Variants in ITGA8 observed in about 807,000 individuals in gnomAD.
The protein encoded by ITGA8 is integrin subunit alpha 8, also known as integrin alpha-8.
ITGA8 carries 91 observed loss-of-function variants against 142.3 expected under a neutral mutation model. That is an observed-to-expected ratio of 0.64 (90% CI 0.54 to 0.76). ITGA8 has a LOEUF of 0.76. Ranked by LOEUF, ITGA8 falls within the 30% of genes least tolerant of loss-of-function variation. The pLI is 0.00. For synonymous variants in ITGA8, 505 were observed against 485.2 expected (o/e 1.04, Z -0.54); for missense variants, 1,406 against 1,327.7 (o/e 1.06, Z -0.92).
At chr10:15,671,879 C>CAACAAAAA (rs1474052235) in intron 7 of ITGA8, among the ~76,000 whole-genome samples, 6 of 79,730 alleles carry the variant, frequency 7.5e-5, no homozygotes, top group Non-Finnish European at 1.4e-4. Context: ...AGGAGCAAAG[C>CAACAAAAA]AAAAAAAAAA....
At chr10:15,644,564 A>G (rs1190916214) in intron 12 of ITGA8, among the ~76,000 whole-genome samples, 9 of 143,276 alleles carry the variant, frequency 6.3e-5, no homozygotes, top group African/African-American at 2.3e-4. Context: ...CCTGGCCTCA[A>G]GTGATCACCC....
chr10:15,557,942 C>T (rs1833912922), intron 26 of ITGA8, 132 bp downstream of exon 26: 1 of 1,131,922 alleles, frequency 8.8e-7, no homozygotes, highest in Non-Finnish European at 1.3e-6. Flanking sequence ...GAGATAAACA[C>T]TGCCAAACGT....
chr10:15,592,355 A>G (rs1236448643), intron 21 of ITGA8, 51 bp from the exon 22 acceptor site: 5 of 1,362,816 alleles, frequency 3.7e-6, no homozygotes, highest in African/African-American at 2.9e-5. Context: ...CAACATAAAA[A>G]TATTTTGTAA....
rs114946017 is a variant in ITGA8 at position 15,562,986 on chromosome 10, C to T, written c.2638-4784G>A. Among the ~76,000 whole-genome samples the T allele has an allele frequency of 5.8e-3, 878 of 152,268 alleles. 7 individuals carry two copies. Among genetic ancestry groups the T allele is most frequent in the African/African-American group, 0.02 (849 of 41,556 alleles). On this transcript the variant is annotated intron_variant, in intron 25 of 29. Coordinates refer to ENST00000378076, the MANE Select transcript of ITGA8 (RefSeq NM_003638.3). ...TGAATGGCTTGGGCCATCCCATTGG[C>T]GCTAAGTGAGCTTCCACTCTGAGTT...
intron 13 of ITGA8, among the ~76,000 whole-genome samples, chr10:15,626,179 C>T (rs1405696545): frequency 6.6e-6 from 1 of 152,198 alleles, no homozygotes; most frequent in Non-Finnish European, 1.5e-5. Flanking sequence ...CCTCCTCAAA[C>T]CTGTCTATAA....
intron 26 of ITGA8, among the ~76,000 whole-genome samples, chr10:15,557,862 C>G (rs1227855313): frequency 6.6e-6 from 1 of 152,210 alleles, no homozygotes; most frequent in Non-Finnish European, 1.5e-5. Context: ...TCCATGGCAG[C>G]TTTAGAAAAG....
chr10:15,708,274 T>C (rs959996079), intron 2 of ITGA8, among the ~76,000 whole-genome samples: 8 of 152,122 alleles, frequency 5.3e-5, no homozygotes, highest in African/African-American at 1.9e-4. Context: ...TAATAATATG[T>C]CACCTGAGGA....
chr10:15,567,481 C>T (rs1332963005), intron 25 of ITGA8, among the ~76,000 whole-genome samples: 5 of 152,098 alleles, frequency 3.3e-5, no homozygotes, highest in South Asian at 2.1e-4. Flanking sequence ...GTAGATGGTA[C>T]GATGTGAATA....
chr10:15,647,017 TA>T lies in ITGA8; in HGVS notation c.1035del (p.Phe345LeufsTer13), dbSNP rs780018720. 1.2e-6 allele frequency: 2 copies of T among 1,613,722 alleles called. No homozygotes were observed. The highest frequency in any genetic ancestry group is 4.5e-5 in the East Asian group (2 of 44,884). On this transcript the variant is annotated frameshift_variant, in exon 12 of 30. Transcript: ENST00000378076. LOFTEE classifies it high-confidence loss of function. ...LDDVLVGAPL[F>X]MEREFESNPR... ...GGGTTGCTCTCAAATTCACGTTCCA[TA>T]AAGAGAGGTGCCCCAACCAGGACAT... is the stretch of plus-strand genomic sequence containing the variant.
At chr10:15,581,497 T>C (rs1008226148) in intron 23 of ITGA8, among the ~76,000 whole-genome samples, 23 of 152,218 alleles carry the variant, frequency 1.5e-4, no homozygotes, top group African/African-American at 5.5e-4. Flanking sequence ...GAGTTCTGTG[T>C]ACTTCTACTG....
intron 6 of ITGA8, among the ~76,000 whole-genome samples, chr10:15,673,480 A>C (rs988358369): frequency 1.3e-5 from 2 of 152,194 alleles, no homozygotes; most frequent in African/African-American, 4.8e-5. Context: ...CTGAAGCCCA[A>C]AGAGCTACAG....
chr10:15,676,653 C>T (rs1251628131), intron 6 of ITGA8, among the ~76,000 whole-genome samples: 1 of 152,180 alleles, frequency 6.6e-6, no homozygotes, highest in Non-Finnish European at 1.5e-5. Context: ...GGCAGAGCCT[C>T]AACACATTGT....
At chr10:15,555,174 G>A (rs554110074) in intron 26 of ITGA8, among the ~76,000 whole-genome samples, 1 of 152,252 alleles carries the variant, frequency 6.6e-6, no homozygotes, top group Admixed American at 6.5e-5. Context: ...CAGCAGATCT[G>A]GTGGCTAATG....
At chr10:15,695,048 T>C (rs1835025416) in intron 2 of ITGA8, among the ~76,000 whole-genome samples, 1 of 152,124 alleles carries the variant, frequency 6.6e-6, no homozygotes, top group Middle Eastern at 3.2e-3. Context: ...GGGACCTTCC[T>C]TTGCTAGTTA....
At chr10:15,643,214 C>A (rs1251729216) in intron 13 of ITGA8, among the ~76,000 whole-genome samples, 1 of 152,100 alleles carries the variant, frequency 6.6e-6, no homozygotes, top group Non-Finnish European at 1.5e-5. Context: ...CTATCATGAA[C>A]CAGTTCTTTT....
rs772192438 is a variant in ITGA8, at chr10:15,575,480, A to G, written c.2478+9T>C. The stretch of plus-strand genomic sequence containing the variant: ...CCCCTAACACAACTTTAACACAGAC[A>G]ATGGCTACCTCATAAATATGTTCCA... On this transcript the variant is annotated intron_variant, in intron 24 of 29. Transcript: ENST00000378076. 6 of 1,593,160 alleles carry G rather than the reference A, an allele frequency of 3.8e-6. No individual in the cohort carries two copies. Among genetic ancestry groups the G allele is most frequent in the Non-Finnish European group, 4.3e-6 (5 of 1,160,988 alleles).
chr10:15,658,134 C>T (rs184076941), intron 10 of ITGA8, among the ~76,000 whole-genome samples: 3 of 152,210 alleles, frequency 2.0e-5, no homozygotes, highest in East Asian at 3.9e-4. Flanking sequence ...TTATTTCATT[C>T]TTAAAGGGAG....
Position 15,536,184 on chromosome 10 carries a change from G to C in ITGA8, c.2881-5033C>G, listed in dbSNP as rs535816312. Among the ~76,000 whole-genome samples the C allele has an allele frequency of 2.0e-3, 310 of 152,190 alleles. 1 individual carries two copies. The highest frequency in any genetic ancestry group is 3.0e-3 in the Non-Finnish European group (202 of 68,004). ...GTGAGACCAAGAACCCACCAATTCC[G>C]GGCACAGTAAGATAAGCAAACAGCC... On this transcript the variant is annotated intron_variant, in intron 27 of 29. Transcript: ENST00000378076.
chr10:15,534,386 A>C (rs1272962119), intron 27 of ITGA8, among the ~76,000 whole-genome samples: 1 of 152,190 alleles, frequency 6.6e-6, no homozygotes, highest in African/African-American at 2.4e-5. Flanking sequence ...CTCCCCAACT[A>C]TATGATACAA....
Sources: gnomAD v4.1 joint callset for allele counts (sites outside exome capture counted in the v4.1 genomes callset) on GRCh38, gnomAD v4.1.1 for gene constraint, MANE v1.5 for transcripts, NCBI Gene and HGNC (gene_info 2026-07-23, HGNC 2026-07-21) for gene names.